The following PAX5 variants were observed in gnomAD, a reference collection of about 807,000 sequenced individuals.
PAX5 encodes paired box protein Pax-5.
A neutral mutation model predicts 43.7 loss-of-function variants in PAX5; 9 were observed. That is an observed-to-expected ratio of 0.21 (90% CI 0.12 to 0.36). The LOEUF is 0.36. PAX5 is among the 10% of genes least tolerant of loss of function. The pLI is 1.00. For missense variants in PAX5, 383 were observed against 532.7 expected (o/e 0.72, Z 2.77); for synonymous variants, 228 against 214.3 (o/e 1.06, Z -0.56).
chr9:36,877,023 C>A (rs1244016825), intron 8 of PAX5, among the ~76,000 whole-genome samples: 1 of 152,194 alleles, frequency 6.6e-6, no homozygotes, highest in East Asian at 1.9e-4. Flanking sequence ...AGCACATTTA[C>A]AATAAAAGCC....
intron 8 of PAX5, among the ~76,000 whole-genome samples, chr9:36,853,043 A>G (rs1467027054): frequency 1.3e-5 from 2 of 152,322 alleles, no homozygotes; most frequent in East Asian, 3.9e-4. Flanking sequence ...ACACCTATGT[A>G]GCCACCTCCT....
chr9:37,010,605 C>G (rs1838838801), intron 3 of PAX5, among the ~76,000 whole-genome samples: 1 of 152,160 alleles, frequency 6.6e-6, no homozygotes, highest in Non-Finnish European at 1.5e-5. Context: ...AGGCTTCTCA[C>G]CATCATCCCA....
rs555637085 is a variant in PAX5, at chr9:36,953,884, G to T, written c.780+12665C>A. On this transcript the variant is annotated intron_variant, in intron 6 of 9. Transcript: ENST00000358127. Reference sequence around the variant, plus strand: ...GCTCAGGAGTTCAAGACCAGCCTGGGCAACATGGTGAAACCTGGTCTCTAC... The same window carrying T: ...GCTCAGGAGTTCAAGACCAGCCTGGTCAACATGGTGAAACCTGGTCTCTAC... Among the ~76,000 whole-genome samples, 29 of 152,172 alleles carry T rather than the reference G, an allele frequency of 1.9e-4. 1 individual carries two copies. The South Asian group carries it at 5.8e-3, about 30-fold the overall frequency.
intron 6 of PAX5, among the ~76,000 whole-genome samples, chr9:36,964,236 G>A (rs573026879): frequency 1.3e-5 from 2 of 149,122 alleles, no homozygotes; most frequent in South Asian, 2.2e-4. Context: ...AGCCGAGATC[G>A]CGCCACTGCA....
At chr9:36,856,721 C>G (rs966260841) in intron 8 of PAX5, 17 of 151,954 alleles carry the variant, frequency 1.1e-4, no homozygotes, top group African/African-American at 4.1e-4. Context: ...GTATTTTTAG[C>G]AGAGATGGGG....
At chr9:36,854,865 GCACAATGTGT>G (rs139750389) in intron 8 of PAX5, among the ~76,000 whole-genome samples, 2,385 of 152,342 alleles carry the variant, frequency 0.016, 59 homozygotes, top group African/African-American at 0.055. Flanking sequence ...GGGGCAGAAT[GCACAATGTGT>G]CTCACTTCTG....
chr9:36,863,946 T>C (rs1824513266), intron 8 of PAX5, among the ~76,000 whole-genome samples: 1 of 152,094 alleles, frequency 6.6e-6, no homozygotes, highest in Non-Finnish European at 1.5e-5. Context: ...CCGTCTCTAC[T>C]AAAAATACAA....
chr9:36,972,291 G>C (rs922473601), intron 5 of PAX5, among the ~76,000 whole-genome samples: 1 of 152,216 alleles, frequency 6.6e-6, no homozygotes, highest in Non-Finnish European at 1.5e-5. Flanking sequence ...GCAGGGCCCA[G>C]TGGGAAAAGG....
chr9:36,842,900 G>A (rs188796090), intron 9 of PAX5, among the ~76,000 whole-genome samples: 6 of 152,280 alleles, frequency 3.9e-5, no homozygotes, highest in Admixed American at 1.3e-4. Flanking sequence ...TCCTGGCATC[G>A]CTGATCCTCA....
At chr9:36,910,562 G>C in intron 7 of PAX5, among the ~76,000 whole-genome samples, 1 of 152,230 alleles carries the variant, frequency 6.6e-6, no homozygotes, top group Non-Finnish European at 1.5e-5. Context: ...CTGGACCTCG[G>C]GGGCACACGC....
At chr9:36,928,635 A>G (rs1000873595) in intron 6 of PAX5, among the ~76,000 whole-genome samples, 1 of 152,194 alleles carries the variant, frequency 6.6e-6, no homozygotes, top group Non-Finnish European at 1.5e-5. Context: ...TGTTTGAACA[A>G]GAGCACTAAG....
Position 36,877,927 on chromosome 9 carries a change from G to T in PAX5, c.1012+4077C>A, listed in dbSNP as rs529494187. Among the ~76,000 whole-genome samples, 13 of 152,330 alleles carry T rather than the reference G, an allele frequency of 8.5e-5. No homozygotes were observed. In the East Asian group the frequency reaches 2.5e-3, roughly 29 times the overall value. ...GCATATGTATCCCTATAACAGAGAA[G>T]AGGCAGATTCGACACACAGAGTAGA... On this transcript the variant is annotated intron_variant, in intron 8 of 9. Coordinates refer to ENST00000358127, the MANE Select transcript of PAX5 (RefSeq NM_016734.3).
chr9:36,922,490 C>T (rs963026655), intron 7 of PAX5, among the ~76,000 whole-genome samples: 2 of 152,172 alleles, frequency 1.3e-5, no homozygotes, highest in African/African-American at 2.4e-5. Flanking sequence ...TCCACGTTAC[C>T]CCAGCACAGC....
chr9:36,845,211 A>G (rs898097332), intron 9 of PAX5, among the ~76,000 whole-genome samples: 9 of 152,158 alleles, frequency 5.9e-5, no homozygotes, highest in Non-Finnish European at 1.2e-4. Context: ...GGGGTCTCCC[A>G]GCAGGACTGG....
intron 7 of PAX5, among the ~76,000 whole-genome samples, chr9:36,888,604 C>T (rs1292619827): frequency 3.3e-5 from 5 of 152,172 alleles, no homozygotes; most frequent in African/African-American, 7.2e-5. Flanking sequence ...TCGTGATTGC[C>T]TAGGGCTGGG....
intron 1 of PAX5, among the ~76,000 whole-genome samples, chr9:37,029,103 T>C (rs778512776): frequency 5.3e-5 from 8 of 152,234 alleles, no homozygotes; most frequent in Non-Finnish European, 8.8e-5. Flanking sequence ...TCATGAGTGA[T>C]GATCCGCTAA....
chr9:36,989,293 A>G (rs1836728682), intron 5 of PAX5, among the ~76,000 whole-genome samples: 1 of 152,216 alleles, frequency 6.6e-6, no homozygotes, highest in Admixed American at 6.5e-5. Flanking sequence ...TACGGATGTC[A>G]TCCTGTTGTG....
At chr9:37,028,723 G>T (rs1225451940) in intron 1 of PAX5, among the ~76,000 whole-genome samples, 2 of 152,240 alleles carry the variant, frequency 1.3e-5, no homozygotes, top group Non-Finnish European at 1.5e-5. Flanking sequence ...GTGGACAGGC[G>T]CATTCTATCT....
At position 37,020,342 on chromosome 9, in the gene PAX5, T is replaced by A. The variant is rs140023290; in HGVS notation, c.212+294A>T. 3.9e-5 allele frequency among the ~76,000 whole-genome samples: 6 copies of A among 152,266 alleles called. No individual in the cohort carries two copies. The East Asian group carries it at 1.2e-3, about 29-fold the overall frequency. ...CGGGGACCCAGGCTCACCTAGGATA[T>A]ATAAGGGAAATTCCCAAGAACGTCT... On this transcript the variant is annotated intron_variant, in intron 2 of 9. Transcript: ENST00000358127.
Sources: allele counts gnomAD v4.1 joint callset (sites outside exome capture counted in the v4.1 genomes callset), GRCh38; gene constraint gnomAD v4.1.1; transcripts MANE v1.5; gene names NCBI Gene and HGNC (gene_info 2026-07-23, HGNC 2026-07-21).